The following ETV4 variants were observed in gnomAD, a reference collection of about 807,000 sequenced individuals.
The protein encoded by ETV4 is ETS translocation variant 4.
Under a neutral mutation model 65.9 loss-of-function variants are expected in ETV4, and 42 were observed. The ratio of observed to expected loss-of-function variants is 0.64; its 90% CI spans 0.50 to 0.82. The LOEUF (loss-of-function observed/expected upper bound fraction) is 0.82. Ranked by LOEUF, ETV4 falls within the 40% of genes least tolerant of loss-of-function variation. ETV4 has a pLI of 0.00. For missense variants in ETV4, 583 were observed against 630.3 expected (o/e 0.92, Z 0.80); for synonymous variants, 238 against 260.0 (o/e 0.92, Z 0.81).
At chr17:43,530,581 G>A (rs1970865389) in intron 8 of ETV4, 2 of 444,554 alleles carry the variant, frequency 4.5e-6, no homozygotes, top group Non-Finnish European at 7.4e-6. Context: ...CGGTCAGCAG[G>A]TCAGGTTCCC....
rs2154587035 is a variant in ETV4 at position 43,529,930 on chromosome 17, C to T, written c.909G>A (p.Leu303=). 6.2e-7 allele frequency: 1 copy of T among 1,614,164 alleles called. No individual in the cohort carries two copies. Among genetic ancestry groups the T allele is most frequent in the East Asian group, 2.2e-5 (1 of 44,860 alleles). Residue 303 remains leucine, a synonymous_variant, in exon 10 of 13, where the codon CTG becomes CTA. Coordinates refer to ENST00000319349, the MANE Select transcript of ETV4 (RefSeq NM_001079675.5). ...CGCAGACATCATCTGGGAATGGTCG[C>T]AGAGGTTTCTCATAGCCATAGCCTT... ...GAMGYGYEKP[L]RPFPDDVCVV... is the part of the protein sequence containing the mutation.
In ETV4 at chr17:43,528,280, A is replaced by C. The variant is rs1970685756; in HGVS notation, c.*239T>G. 1 of 438,394 alleles carries C rather than the reference A, an allele frequency of 2.3e-6. No homozygotes were observed. Among genetic ancestry groups the C allele is most frequent in the Non-Finnish European group, 4.0e-6 (1 of 247,400 alleles). The allele number at this position is 438,394 out of a possible 1,614,324, so 27.2% of individuals were successfully genotyped here. A position where few individuals can be genotyped will look rare whatever the true frequency, so the allele number is the denominator to read the frequency against. Reference sequence around the variant, plus strand: ...GGAAGAAGCTGAGCTGAATTCCTCCAGGGCCCAGGTGAAACCCCCAGGGGA... The same window carrying C: ...GGAAGAAGCTGAGCTGAATTCCTCCCGGGCCCAGGTGAAACCCCCAGGGGA... On this transcript the variant is annotated 3_prime_UTR_variant, in exon 13 of 13. Coordinates refer to ENST00000319349, the MANE Select transcript of ETV4 (RefSeq NM_001079675.5).
chr17:43,528,595 T>C lies in ETV4; in HGVS notation c.1379A>G (p.Asp460Gly). ...EEDTVPLSHL[D>G]ESPAYLPELA... ...CTCTGGGAGGTAGGCGGGGCTCTCA[T>C]CCAAGTGGGACAAAGGGACTGTGTC... Residue 460 changes from aspartate to glycine, a missense_variant, in exon 13 of 13, where the codon GAT (aspartate) becomes GGT (glycine). By Grantham distance (94) the Asp-to-Gly change is moderately conservative (BLOSUM62 -1). Transcript: ENST00000319349. The C allele has an allele frequency of 6.2e-7, 1 of 1,614,064 alleles. No homozygotes were observed. Among genetic ancestry groups the C allele is most frequent in the South Asian group, 1.1e-5 (1 of 91,080 alleles).
rs1419138318 is a variant in ETV4 at position 43,537,482 on chromosome 17, T to C, written c.203-1003A>G. On this transcript the variant is annotated intron_variant, in intron 4 of 12. Transcript: ENST00000319349. ...GCTGAGGTGGGAGGATCACTTGAGA[T>C]CAGGAGTTTGAGACCAGCCTGGCCA... 4.8e-5 allele frequency among the ~76,000 whole-genome samples: 7 copies of C among 145,864 alleles called. No individual in the cohort carries two copies. The Admixed American group carries it at 4.9e-4, about 10-fold the overall frequency.
chr17:43,545,587 C>G lies in ETV4; in HGVS notation c.31G>C (p.Asp11His). The G allele has an allele frequency of 6.4e-7, 1 of 1,550,862 alleles. No homozygotes were observed. Residue 11 changes from aspartate (D) to histidine (H), a missense_variant, in exon 2 of 13, where the codon GAC becomes CAC. By Grantham distance (81) the Asp-to-His change is moderately conservative. Transcript: ENST00000319349. MERRMKAGYLDQQVPYTFSSK... is the reference protein window; with the variant it reads MERRMKAGYLHQQVPYTFSSK... ...CTGAAGGTGTAGGGCACTTGCTGGTCCAAGTATCCGGCTTTCATCCTCCGC... is the reference window on the plus strand; with the variant it reads ...CTGAAGGTGTAGGGCACTTGCTGGTGCAAGTATCCGGCTTTCATCCTCCGC...
At chr17:43,539,811 T>C (rs1387518387) in intron 4 of ETV4, among the ~76,000 whole-genome samples, 1 of 152,234 alleles carries the variant, frequency 6.6e-6, no homozygotes, top group Admixed American at 6.5e-5. Flanking sequence ...TAGGTTGTGA[T>C]ATGTTGCTTG....
chr17:43,545,193 C>CTG (rs1971742305), intron 3 of ETV4, 81 bp downstream of exon 3: 1 of 803,834 alleles, frequency 1.2e-6, no homozygotes, highest in African/African-American at 3.4e-5. Flanking sequence ...CCAGAATCGG[C>CTG]CGTGTGTGTG....
intron 4 of ETV4, among the ~76,000 whole-genome samples, chr17:43,540,876 G>A (rs117267818): frequency 0.014 from 2,079 of 152,196 alleles, 24 homozygotes; most frequent in Middle Eastern, 0.024. Flanking sequence ...GGAAAGGGTG[G>A]TGCAGAACTC....
Position 43,536,442 on chromosome 17 carries a change from A to C in ETV4, c.240T>G (p.Asp80Glu). Residue 80 changes from aspartate to glutamate, a missense_variant, in exon 5 of 13, where the codon GAT (aspartate) becomes GAG (glutamate). By Grantham distance (45) the Asp-to-Glu change is conservative. Coordinates refer to ENST00000319349, the MANE Select transcript of ETV4 (RefSeq NM_001079675.5). ...TCTACTCACGGTTTTCTGAATGGAA[A>C]TCAGGAACAAACTGCTCATCACTGT... is the stretch of plus-strand genomic sequence containing the variant. ...VPDSDEQFVP[D>E]FHSENLAFHS... 1.9e-6 allele frequency: 3 copies of C among 1,614,218 alleles called. No homozygotes were observed. The highest frequency in any genetic ancestry group is 2.5e-6 in the Non-Finnish European group (3 of 1,180,044).
At chr17:43,529,982 T>A (rs372672077) in intron 9 of ETV4, 30 bp from the exon 10 acceptor site, 1 of 1,613,828 alleles carries the variant, frequency 6.2e-7, no homozygotes, top group Non-Finnish European at 8.5e-7. Context: ...GTTGCTCAGA[T>A]CTGGGGGTTC....
At chr17:43,533,692 G>A (rs576423275) in intron 6 of ETV4, among the ~76,000 whole-genome samples, 167 bp downstream of exon 6, 9 of 152,194 alleles carry the variant, frequency 5.9e-5, no homozygotes, top group Admixed American at 2.6e-4. Context: ...TGCGTTTTCC[G>A]TCTATTCAGA....
At chr17:43,541,474 A>G (rs1018323779) in intron 4 of ETV4, among the ~76,000 whole-genome samples, 2 of 152,076 alleles carry the variant, frequency 1.3e-5, no homozygotes, top group African/African-American at 4.8e-5. Context: ...GAAAAGTGCC[A>G]AGACAGCATA....
intron 8 of ETV4, 36 bp from the exon 9 acceptor site, chr17:43,530,217 T>TG (rs1238271939): frequency 6.4e-7 from 1 of 1,552,130 alleles, no homozygotes; most frequent in Non-Finnish European, 8.7e-7. Context: ...AGAAGTGGCT[T>TG]GGGGTGGAGC....
intron 8 of ETV4, chr17:43,530,459 A>G: frequency 7.4e-7 from 1 of 1,345,266 alleles, no homozygotes; most frequent in Non-Finnish European, 9.6e-7. Context: ...CCAAGCTGCC[A>G]GGGAGCAGCT....
chr17:43,530,221 G>GTGGA (rs1375604062), intron 8 of ETV4, 40 bp from the exon 9 acceptor site: 1 of 1,551,974 alleles, frequency 6.4e-7, no homozygotes, highest in Non-Finnish European at 8.7e-7. Flanking sequence ...GTGGCTTGGG[G>GTGGA]TGGAGCTCGA....
chr17:43,545,934 C>CGTGTGTGT (rs531139204), intron 1 of ETV4: 5,039 of 263,278 alleles, frequency 0.019, 167 homozygotes, highest in Admixed American at 0.025. Context: ...TACATAAGAA[C>CGTGTGTGT]GTGTGTGTGT....
intron 4 of ETV4, among the ~76,000 whole-genome samples, chr17:43,540,223 C>T (rs915683052): frequency 3.3e-5 from 5 of 152,166 alleles, no homozygotes; most frequent in Admixed American, 3.3e-4. Context: ...GAGGCTGAGG[C>T]AGGCAGACGA....
chr17:43,530,356 G>A, intron 8 of ETV4, 175 bp from the exon 9 acceptor site: 2 of 1,465,738 alleles, frequency 1.4e-6, no homozygotes, highest in Non-Finnish European at 1.8e-6. Flanking sequence ...TCACCCAGAG[G>A]GAGTGTGATG....
chr17:43,544,832 G>A (rs887427582), intron 4 of ETV4, 143 bp downstream of exon 4: 9 of 713,622 alleles, frequency 1.3e-5, no homozygotes, highest in East Asian at 2.6e-5. Context: ...AGAGTGGCAA[G>A]GGACCTGGGG....
Sources: allele counts gnomAD v4.1 joint callset (sites outside exome capture counted in the v4.1 genomes callset), GRCh38; gene constraint gnomAD v4.1.1; transcripts MANE v1.5; gene names NCBI Gene and HGNC (gene_info 2026-07-23, HGNC 2026-07-21).